The following ARHGEF10 variants were observed in gnomAD, a reference collection of about 807,000 sequenced individuals.
ARHGEF10 encodes the protein Rho guanine nucleotide exchange factor 10.
A neutral mutation model predicts 147.4 loss-of-function variants in ARHGEF10; 140 were observed. The observed-to-expected ratio is 0.95, with a 90% CI of 0.83 to 1.09. The LOEUF is 1.09. Ranked by LOEUF, ARHGEF10 falls within the 50% of genes least tolerant of loss-of-function variation. The pLI is 0.00. For missense variants in ARHGEF10, 2,222 were observed against 1,752.7 expected (o/e 1.27, Z -4.78); for synonymous variants, 902 against 695.8 (o/e 1.30, Z -4.67).
At chr8:1,946,417 G>C (rs1216323643) in intron 27 of ARHGEF10, among the ~76,000 whole-genome samples, 4 of 152,230 alleles carry the variant, frequency 2.6e-5, no homozygotes, top group African/African-American at 9.6e-5. Flanking sequence ...CCGCGTTCTG[G>C]AGGCAGCATG....
intron 10 of ARHGEF10, among the ~76,000 whole-genome samples, chr8:1,883,323 C>T (rs1808378414): frequency 6.6e-6 from 1 of 152,004 alleles, no homozygotes; most frequent in African/African-American, 2.4e-5. Flanking sequence ...CTTCTCGGAG[C>T]CTTTGTGCAC....
At chr8:1,946,166 C>T (rs554029047) in intron 27 of ARHGEF10, among the ~76,000 whole-genome samples, 101 of 152,292 alleles carry the variant, frequency 6.6e-4, no homozygotes, top group Non-Finnish European at 1.1e-3. Flanking sequence ...GGAGGATCAT[C>T]CTACAACAGG....
At chr8:1,886,242 A>G (rs1808646052) in intron 11 of ARHGEF10, among the ~76,000 whole-genome samples, 1 of 152,242 alleles carries the variant, frequency 6.6e-6, no homozygotes, top group Admixed American at 6.5e-5. Context: ...TTGAGGAACC[A>G]GAGTGACAGC....
chr8:1,856,636 C>T (rs932821172), intron 2 of ARHGEF10, among the ~76,000 whole-genome samples: 23 of 152,166 alleles, frequency 1.5e-4, no homozygotes, highest in Non-Finnish European at 2.9e-4. Context: ...GGGTTGCTCC[C>T]TAGCAGGGCT....
At chr8:1,909,504 G>A in intron 18 of ARHGEF10, 34 bp downstream of exon 18, 1 of 1,611,970 alleles carries the variant, frequency 6.2e-7, no homozygotes, top group Non-Finnish European at 8.5e-7. Context: ...TCGTGCCGTG[G>A]GGCCAGGGTA....
At chr8:1,891,980 A>G (rs1809566101) in intron 11 of ARHGEF10, among the ~76,000 whole-genome samples, 2 of 149,100 alleles carry the variant, frequency 1.3e-5, no homozygotes. Context: ...ATACATATAC[A>G]TAATATAGGT....
At chr8:1,881,313 T>A (rs1160509287) in intron 9 of ARHGEF10, among the ~76,000 whole-genome samples, 1 of 151,452 alleles carries the variant, frequency 6.6e-6, no homozygotes. Context: ...CCCTCCAGTT[T>A]GTCAGTTTGC....
intron 25 of ARHGEF10, among the ~76,000 whole-genome samples, chr8:1,930,519 G>A (rs1343609101): frequency 2.0e-5 from 3 of 151,632 alleles, no homozygotes; most frequent in African/African-American, 7.3e-5. Flanking sequence ...AAATTGTGTG[G>A]TGAGTCCCCA....
intron 26 of ARHGEF10, among the ~76,000 whole-genome samples, chr8:1,938,584 G>T (rs947189721): frequency 6.6e-6 from 1 of 151,898 alleles, no homozygotes; most frequent in Non-Finnish European, 1.5e-5. Context: ...GCAGCAATGC[G>T]TTTTTTTTCT....
chr8:1,946,701 C>T (rs141763922), intron 27 of ARHGEF10, among the ~76,000 whole-genome samples: 79 of 152,218 alleles, frequency 5.2e-4, no homozygotes, highest in African/African-American at 1.7e-3. Context: ...CAGTCCATGA[C>T]GGGCCATTTA....
At chr8:1,872,305 G>C (rs112240638) in intron 7 of ARHGEF10, among the ~76,000 whole-genome samples, 11,123 of 152,292 alleles carry the variant, frequency 0.073, 527 homozygotes, top group Non-Finnish European at 0.11. Context: ...ACCAGGCTCA[G>C]ATGTTTTTAT....
Position 1,879,961 on chromosome 8 carries a change from C to T in ARHGEF10, c.844-87C>T, listed in dbSNP as rs541124927. The T allele has an allele frequency of 9.8e-5, 93 of 946,458 alleles. No homozygotes were observed. The Middle Eastern group carries it at 1.7e-3, about 17-fold the overall frequency. 58.6% of individuals were successfully genotyped at this position (946,458 alleles called of 1,614,324 possible). The stretch of plus-strand genomic sequence containing the variant: ...GACAGGCCTGATGTGCCACTGCAGA[C>T]GCTGCCAGCATCCTCTCAATGTAAA... On this transcript the variant is annotated intron_variant, in intron 8 of 28. Transcript: ENST00000349830.
chr8:1,857,760 A>G (rs1805667346), intron 2 of ARHGEF10, among the ~76,000 whole-genome samples, 200 bp from the exon 3 acceptor site: 1 of 152,026 alleles, frequency 6.6e-6, no homozygotes, highest in African/African-American at 2.4e-5. Context: ...TTAAAAGAAA[A>G]TAAAAACCAG....
rs569740243 is a variant in ARHGEF10, at chr8:1,826,305, T to G, written c.-48+2192T>G. 1.8e-3 allele frequency among the ~76,000 whole-genome samples: 281 copies of G among 152,352 alleles called. 2 individuals carry two copies. The highest frequency in any genetic ancestry group is 6.6e-3 in the African/African-American group (275 of 41,574). ...CTTCTGGGTGCTTTGGTGTGCTGCC[T>G]TTCCTCTGCAGTTTGTGTGTGCATA... On this transcript the variant is annotated intron_variant, in intron 1 of 28. Transcript: ENST00000349830.
intron 2 of ARHGEF10, among the ~76,000 whole-genome samples, chr8:1,856,719 C>T (rs753207766): frequency 1.3e-5 from 2 of 152,100 alleles, no homozygotes; most frequent in South Asian, 2.1e-4. Context: ...CCCTGGCCCA[C>T]GGGGGATTGT....
At chr8:1,946,374 C>T (rs143430688) in intron 27 of ARHGEF10, among the ~76,000 whole-genome samples, 15 of 152,322 alleles carry the variant, frequency 9.8e-5, no homozygotes, top group African/African-American at 1.9e-4. Context: ...ACGCCACAGA[C>T]GGGCTGGCTT....
At chr8:1,880,293 C>T (rs1245287833) in intron 9 of ARHGEF10, 129 bp downstream of exon 9, 9 of 707,416 alleles carry the variant, frequency 1.3e-5, no homozygotes, top group Middle Eastern at 3.7e-4. Flanking sequence ...CTGGAATCCC[C>T]CGACGCTTTG....
chr8:1,881,401 G>A (rs367649237), intron 9 of ARHGEF10, among the ~76,000 whole-genome samples: 22 of 152,252 alleles, frequency 1.4e-4, no homozygotes, highest in African/African-American at 5.1e-4. Flanking sequence ...ATCTGGGGTT[G>A]AGAAAGAGCA....
intron 1 of ARHGEF10, among the ~76,000 whole-genome samples, chr8:1,828,839 A>G (rs1367859809): frequency 5.3e-5 from 8 of 152,120 alleles, no homozygotes; most frequent in African/African-American, 1.9e-4. Flanking sequence ...AAGGAATTAC[A>G]TTTTGATAAA....
Sources: allele counts gnomAD v4.1 joint callset (sites outside exome capture counted in the v4.1 genomes callset), GRCh38; gene constraint gnomAD v4.1.1; transcripts MANE v1.5; gene names NCBI Gene and HGNC (gene_info 2026-07-23, HGNC 2026-07-21).